The following KYAT1 variants were observed in gnomAD, a reference collection of about 807,000 sequenced individuals.
The protein encoded by KYAT1 is kynurenine--oxoglutarate transaminase 1.
In KYAT1, 47 loss-of-function variants were observed where a neutral mutation model predicts 52.4. The ratio of observed to expected loss-of-function variants is 0.90; its 90% CI spans 0.71 to 1.14. KYAT1 has a LOEUF of 1.14. Ranked by LOEUF, KYAT1 falls within the 50% of genes most tolerant of loss-of-function variation. KYAT1 has a pLI of 0.00. For synonymous variants in KYAT1, 212 were observed against 209.6 expected (o/e 1.01, Z -0.10); for missense variants, 480 against 557.9 (o/e 0.86, Z 1.41).
intron 1 of KYAT1, among the ~76,000 whole-genome samples, chr9:128,872,313 G>A (rs1438261133): frequency 2.0e-5 from 3 of 150,294 alleles, no homozygotes; most frequent in Non-Finnish European, 4.4e-5. Context: ...GCGTGGTGGC[G>A]TGCACCTGTA....
At chr9:128,836,117 G>A (rs752062583) in intron 7 of KYAT1, 44 bp from the exon 8 acceptor site, 8 of 1,589,112 alleles carry the variant, frequency 5.0e-6, no homozygotes, top group African/African-American at 1.3e-5. Flanking sequence ...TGGGGTGAGG[G>A]GGACGGGGGA....
intron 1 of KYAT1, among the ~76,000 whole-genome samples, chr9:128,874,875 C>T: frequency 6.6e-6 from 1 of 151,938 alleles, no homozygotes; most frequent in Non-Finnish European, 1.5e-5. Context: ...CAGGCACGCA[C>T]CACCATGCCC....
chr9:128,869,946 G>C (rs946345506), intron 1 of KYAT1, among the ~76,000 whole-genome samples: 4 of 151,958 alleles, frequency 2.6e-5, no homozygotes. Flanking sequence ...TGGAGACAGG[G>C]TTTCGCCATG....
At chr9:128,847,750 T>A (rs764582530) in intron 1 of KYAT1, 2 of 498,238 alleles carry the variant, frequency 4.0e-6, no homozygotes, top group Non-Finnish European at 7.1e-6. Flanking sequence ...TCCGTCCTTA[T>A]AAGAACCCTG....
At chr9:128,881,017 G>T (rs909749176) in intron 1 of KYAT1, among the ~76,000 whole-genome samples, 1 of 152,192 alleles carries the variant, frequency 6.6e-6, no homozygotes, top group African/African-American at 2.4e-5. Flanking sequence ...CAGCTGGCGC[G>T]CACACCCGCA....
chr9:128,846,599 CCA>C (rs1491118421), intron 1 of KYAT1: 3 of 805,834 alleles, frequency 3.7e-6, no homozygotes, highest in Non-Finnish European at 5.2e-6. Flanking sequence ...CAAGACTCTA[CCA>C]AAAAAAAAAA....
chr9:128,852,906 C>T (rs1310352130), intron 1 of KYAT1, among the ~76,000 whole-genome samples: 2 of 152,170 alleles, frequency 1.3e-5, no homozygotes, highest in East Asian at 1.9e-4. Context: ...AGAAAAAATT[C>T]GGTCAGCACA....
chr9:128,858,993 CAAA>C (rs61541653), intron 1 of KYAT1, among the ~76,000 whole-genome samples: 3 of 75,466 alleles, frequency 4.0e-5, no homozygotes, highest in Non-Finnish European at 2.9e-5. Flanking sequence ...GACTCCATCT[CAAA>C]AAAAAAAAAA....
chr9:128,838,011 G>A (rs760350976), intron 5 of KYAT1, 40 bp downstream of exon 5: 1 of 1,596,610 alleles, frequency 6.3e-7, no homozygotes, highest in Non-Finnish European at 8.6e-7. Context: ...CCCACGCCTT[G>A]GATCCCTCTG....
At chr9:128,857,071 T>C (rs1300318216) in intron 1 of KYAT1, among the ~76,000 whole-genome samples, 1 of 152,256 alleles carries the variant, frequency 6.6e-6, no homozygotes, top group Non-Finnish European at 1.5e-5. Context: ...TTGGCAGCAA[T>C]GCTGCCTTGT....
At chr9:128,835,193 A>G (rs1044368864) in intron 11 of KYAT1, 130 bp downstream of exon 11, 3 of 790,510 alleles carry the variant, frequency 3.8e-6, no homozygotes, top group Non-Finnish European at 6.8e-6. Context: ...TGAAGTGGAT[A>G]CAACCCTGCC....
chr9:128,854,872 C>A (rs1019201127), intron 1 of KYAT1, among the ~76,000 whole-genome samples: 4 of 152,152 alleles, frequency 2.6e-5, no homozygotes, highest in African/African-American at 9.7e-5. Flanking sequence ...GTATCATTAT[C>A]CTCCTATTTG....
At chr9:128,878,128 A>G (rs1838292050) in intron 1 of KYAT1, among the ~76,000 whole-genome samples, 1 of 152,024 alleles carries the variant, frequency 6.6e-6, no homozygotes, top group Admixed American at 6.6e-5. Flanking sequence ...GTCAATGACA[A>G]CAAGCTATTA....
At chr9:128,841,270 C>A (rs904922168) in intron 3 of KYAT1, among the ~76,000 whole-genome samples, 1 of 151,778 alleles carries the variant, frequency 6.6e-6, no homozygotes, top group African/African-American at 2.4e-5. Flanking sequence ...TTTGGGAGGC[C>A]GAGGCAGGCG....
chr9:128,847,651 T>TAACAACAACAACAACAACAAC (rs3834884), intron 1 of KYAT1: 5 of 554,462 alleles, frequency 9.0e-6, no homozygotes, highest in Non-Finnish European at 1.6e-5. Context: ...GCTCTAACAA[T>TAACAACAACAACAACAACAAC]AACAACAACA....
chr9:128,834,133 C>T, intron 11 of KYAT1, among the ~76,000 whole-genome samples: 1 of 152,234 alleles, frequency 6.6e-6, no homozygotes, highest in East Asian at 1.9e-4. Context: ...TGGCGCATGC[C>T]TGTAATCCCA....
At chr9:128,854,925 T>C (rs1277346060) in intron 1 of KYAT1, among the ~76,000 whole-genome samples, 1 of 152,126 alleles carries the variant, frequency 6.6e-6, no homozygotes, top group Non-Finnish European at 1.5e-5. Flanking sequence ...CAACCCAAAA[T>C]TGGTTGGTAG....
intron 1 of KYAT1, among the ~76,000 whole-genome samples, chr9:128,858,134 C>T (rs942904642): frequency 1.3e-5 from 2 of 151,966 alleles, no homozygotes; most frequent in Non-Finnish European, 2.9e-5. Flanking sequence ...CGGTGGCTCA[C>T]GTCTGTAATC....
rs150499543 is a variant in KYAT1 at position 128,848,630 on chromosome 9, C to T, written c.-6-3219G>A. Among the ~76,000 whole-genome samples the T allele has an allele frequency of 7.9e-3, 1,198 of 152,032 alleles. 11 individuals are homozygous for T. The highest frequency in any genetic ancestry group is 0.04 in the South Asian group (194 of 4,816). The stretch of plus-strand genomic sequence containing the variant: ...GTCAGAAGTTTGTGACCAGCCTGGC[C>T]AACATGCTAAAACCTCGTCTCTACT... On this transcript the variant is annotated intron_variant, in intron 1 of 12. Coordinates refer to ENST00000302586, the MANE Select transcript of KYAT1 (RefSeq NM_004059.5).
Sources: allele counts gnomAD v4.1 joint callset (sites outside exome capture counted in the v4.1 genomes callset), GRCh38; gene constraint gnomAD v4.1.1; transcripts MANE v1.5; gene names NCBI Gene and HGNC (gene_info 2026-07-23, HGNC 2026-07-21).